NALCN: variants seen among roughly 807,000 people sequenced by gnomAD.
NALCN encodes the protein sodium leak channel, non-selective.
NALCN carries 111 observed loss-of-function variants against 225.3 expected under a neutral mutation model. The ratio of observed to expected loss-of-function variants is 0.49; its 90% confidence interval spans 0.42 to 0.58. The LOEUF (loss-of-function observed/expected upper bound fraction) is 0.58, where lower values mean the gene tolerates loss of function less well. NALCN is among the 20% of genes least tolerant of loss of function. The pLI, the probability that NALCN is intolerant of heterozygous loss-of-function variation, is 0.00. For synonymous variants in NALCN, 764 were observed against 769.0 expected (o/e 0.99, Z 0.11); for missense variants, 1,378 against 2,202.4 (o/e 0.63, Z 7.49).
At chr13:101,402,786 C>G (rs753756459) in intron 1 of NALCN, among the ~76,000 whole-genome samples, 9 of 152,204 alleles carry the variant, frequency 5.9e-5, no homozygotes, top group Non-Finnish European at 1.3e-4. Context: ...GAAGATTCAG[C>G]CTGAGAGAGC....
At chr13:101,303,080 A>T (rs2139105940) in intron 7 of NALCN, among the ~76,000 whole-genome samples, 1 of 152,316 alleles carries the variant, frequency 6.6e-6, no homozygotes. Flanking sequence ...TAACCAATTA[A>T]CTTTTAAAAC....
At chr13:101,164,177 C>T (rs2038329815) in intron 15 of NALCN, among the ~76,000 whole-genome samples, 1 of 152,188 alleles carries the variant, frequency 6.6e-6, no homozygotes, top group South Asian at 2.1e-4. Flanking sequence ...CAGAATTCCA[C>T]TCATATCAGG....
In NALCN at chr13:101,059,958, G is replaced by A; in HGVS notation, c.4765C>T (p.Gln1589Ter). 1.2e-6 allele frequency: 2 copies of A among 1,613,890 alleles called. No homozygotes were observed. The highest frequency in any genetic ancestry group is 1.7e-6 in the Non-Finnish European group (2 of 1,179,946). ...AGGCTGTGGATGATACTGCACGACTGCTGCTGTTTCTATGGAAATGCGATT... is the reference window on the plus strand; with the variant it reads ...AGGCTGTGGATGATACTGCACGACTACTGCTGTTTCTATGGAAATGCGATT... ...CLKRIRAKQQ[Q>*]SCSIIHSLRE... is the part of the protein sequence containing the mutation. The change falls in exon 42 of 44, where the codon CAG (glutamine) becomes TAG (stop). Residue 1589 changes from glutamine to a stop codon, truncating the protein, a stop_gained. Transcript: ENST00000251127. LOFTEE classifies it high-confidence loss of function.
intron 6 of NALCN, among the ~76,000 whole-genome samples, chr13:101,351,204 G>A (rs1006017669): frequency 6.6e-6 from 1 of 152,086 alleles, no homozygotes; most frequent in African/African-American, 2.4e-5. Flanking sequence ...TTTAATAAGT[G>A]GATCCTGTTG....
At chr13:101,325,259 A>G (rs546050455) in intron 7 of NALCN, among the ~76,000 whole-genome samples, 3 of 152,280 alleles carry the variant, frequency 2.0e-5, no homozygotes, top group Non-Finnish European at 4.4e-5. Context: ...CCACTTGCCA[A>G]CCTAGTACAC....
At chr13:101,306,621 C>T (rs1200894160) in intron 7 of NALCN, among the ~76,000 whole-genome samples, 1 of 152,194 alleles carries the variant, frequency 6.6e-6, no homozygotes, top group Non-Finnish European at 1.5e-5. Flanking sequence ...CATCGTCCTC[C>T]ACCTCAGCAT....
At chr13:101,287,375 G>A (rs987836128) in intron 9 of NALCN, among the ~76,000 whole-genome samples, 11 of 152,184 alleles carry the variant, frequency 7.2e-5, no homozygotes, top group African/African-American at 2.7e-4. Context: ...AAATTGAAAG[G>A]TGGTAGCATC....
At chr13:101,324,752 T>C (rs10851130) in intron 7 of NALCN, among the ~76,000 whole-genome samples, 50,272 of 151,980 alleles carry the variant, frequency 0.33, 8,752 homozygotes, top group Non-Finnish European at 0.4. Flanking sequence ...CTCTTCCTAA[T>C]TGAATACCCT....
At chr13:101,274,216 G>A (rs1344285497) in intron 10 of NALCN, among the ~76,000 whole-genome samples, 1 of 151,894 alleles carries the variant, frequency 6.6e-6, no homozygotes, top group Non-Finnish European at 1.5e-5. Flanking sequence ...TGCATACAAA[G>A]GCACGGATAA....
intron 18 of NALCN, among the ~76,000 whole-genome samples, chr13:101,123,492 C>G (rs1023464604): frequency 6.6e-6 from 1 of 152,114 alleles, no homozygotes; most frequent in Non-Finnish European, 1.5e-5. Flanking sequence ...GAGTTACCAG[C>G]CAGTCGGGAG....
chr13:101,191,648 G>A (rs999135303), intron 14 of NALCN, among the ~76,000 whole-genome samples: 5 of 152,088 alleles, frequency 3.3e-5, no homozygotes, highest in African/African-American at 1.2e-4. Flanking sequence ...TACTTAAATT[G>A]GTATGTAAAT....
Position 101,055,310 on chromosome 13 carries a change from G to A in NALCN, c.5202C>T (p.Asp1734=), listed in dbSNP as rs1450556608. 1 of 1,612,820 alleles carries A rather than the reference G, an allele frequency of 6.2e-7. No individual in the cohort carries two copies. Among genetic ancestry groups the A allele is most frequent in the Non-Finnish European group, 8.5e-7 (1 of 1,179,376 alleles). The part of the protein sequence containing the change: ...LTVESDESGD[D]LLDI ...TGACATCCACCTAAATATCCAGAAGGTCATCCCCACTTTCGTCGCTCTCCA... is the reference window on the plus strand; with the variant it reads ...TGACATCCACCTAAATATCCAGAAGATCATCCCCACTTTCGTCGCTCTCCA... The change falls in exon 44 of 44, where the codon GAC becomes GAT. Residue 1734 remains aspartate, a synonymous_variant. Coordinates refer to ENST00000251127, the MANE Select transcript of NALCN (RefSeq NM_052867.4).
chr13:101,340,255 G>A (rs1217926868), intron 7 of NALCN, among the ~76,000 whole-genome samples: 3 of 149,616 alleles, frequency 2.0e-5, no homozygotes, highest in Admixed American at 6.7e-5. Flanking sequence ...GCGACAGACC[G>A]AGACTCCATC....
intron 18 of NALCN, among the ~76,000 whole-genome samples, chr13:101,124,403 G>A (rs2036130248): frequency 6.6e-6 from 1 of 152,024 alleles, no homozygotes; most frequent in Admixed American, 6.5e-5. Context: ...TGAAAGAAAG[G>A]CCTACTGAGC....
intron 3 of NALCN, among the ~76,000 whole-genome samples, chr13:101,387,252 A>AAT (rs57765780): frequency 0.17 from 19,509 of 116,662 alleles, 3,410 homozygotes; most frequent in Non-Finnish European, 0.24. Context: ...AAAAAAAAAA[A>AAT]AACAGGTTAG....
rs2047951125 is a variant in NALCN at position 101,416,440 on chromosome 13, G to C, written c.-167C>G. The C allele has an allele frequency of 6.6e-6, 1 of 151,818 alleles. No individual in the cohort carries two copies. 9.4% of individuals were successfully genotyped at this position (151,818 alleles called of 1,614,324 possible). A position where few individuals can be genotyped will look rare whatever the true frequency, so the allele number is the denominator to read the frequency against. The stretch of plus-strand genomic sequence containing the variant: ...GCGGGGACGCGGGCCCCTCACCTAC[G>C]GCGGCTCAGCTCAGGCAGCGCGCTC... On this transcript the variant is annotated 5_prime_UTR_variant, in exon 1 of 44. Coordinates refer to ENST00000251127, the MANE Select transcript of NALCN (RefSeq NM_052867.4).
chr13:101,101,740 G>A (rs2034834362), intron 26 of NALCN, among the ~76,000 whole-genome samples: 1 of 152,172 alleles, frequency 6.6e-6, no homozygotes, highest in African/African-American at 2.4e-5. Flanking sequence ...TGCTCCCTCT[G>A]CTGGCTGACT....
At chr13:101,220,897 A>G (rs953383401) in intron 13 of NALCN, among the ~76,000 whole-genome samples, 1 of 152,110 alleles carries the variant, frequency 6.6e-6, no homozygotes, top group African/African-American at 2.4e-5. Flanking sequence ...TCATCTTTGT[A>G]TATTATTTAA....
chr13:101,219,268 A>C (rs1367897533), intron 13 of NALCN, among the ~76,000 whole-genome samples: 6 of 152,174 alleles, frequency 3.9e-5, no homozygotes, highest in Non-Finnish European at 7.3e-5. Context: ...CTTGCAGCCA[A>C]AGTGTTTGCA....
Sources: allele counts gnomAD v4.1 joint callset (sites outside exome capture counted in the v4.1 genomes callset), GRCh38; gene constraint gnomAD v4.1.1; transcripts MANE v1.5; gene names NCBI Gene and HGNC (gene_info 2026-07-23, HGNC 2026-07-21).